The following UBE2O variants were observed in gnomAD, a reference collection of about 807,000 sequenced individuals.
UBE2O encodes the protein ubiquitin conjugating enzyme E2 O.
Under a neutral mutation model 125.8 loss-of-function variants are expected in UBE2O, and 15 were observed. The observed-to-expected ratio is 0.12, with a 90% CI of 0.08 to 0.18. The LOEUF is 0.18. Ranked by LOEUF, UBE2O falls within the 10% of genes least tolerant of loss-of-function variation. UBE2O has a pLI of 1.00. For missense variants in UBE2O, 1,280 were observed against 1,723.6 expected, an observed-to-expected ratio of 0.74 and a Z score of 4.56; for synonymous variants, 708 against 703.2, an observed-to-expected ratio of 1.01 and a Z score of -0.11.
chr17:76,449,570 G>A lies in UBE2O; in HGVS notation c.417+3155C>T, dbSNP rs1240251076. Among the ~76,000 whole-genome samples the A allele has an allele frequency of 4.0e-5, 6 of 151,518 alleles. No homozygotes were observed. In the South Asian group the frequency reaches 8.4e-4, roughly 21 times the overall value. On this transcript the variant is annotated intron_variant, in intron 1 of 17. Coordinates refer to ENST00000319380, the MANE Select transcript of UBE2O (RefSeq NM_022066.4). ...AGCCTGGGTGACAGAGAGAGACTCT[G>A]TTTAAAAAAGAAACTCACACACAAA...
rs142214923 is a variant in UBE2O at position 76,446,444 on chromosome 17, TG to T, written c.417+6280del. Among the ~76,000 whole-genome samples, 967 of 142,010 alleles carry T rather than the reference TG, an allele frequency of 6.8e-3. 7 individuals are homozygous for T. Among genetic ancestry groups the T allele is most frequent in the African/African-American group, 0.025 (923 of 36,892 alleles). The allele number at this position is 142,010 out of a possible 152,430, so 93.2% of individuals were successfully genotyped here. A position where few individuals can be genotyped will look rare whatever the true frequency, so the allele number is the denominator to read the frequency against. Reference sequence around the variant, plus strand: ...AGTTCCTCTTAGTATAACAGGAAAATGAAAAAACAAAAACAAACAAAAAAAA... The same window carrying T: ...AGTTCCTCTTAGTATAACAGGAAAATAAAAAACAAAAACAAACAAAAAAAA... On this transcript the variant is annotated intron_variant, in intron 1 of 17. Coordinates refer to ENST00000319380, the MANE Select transcript of UBE2O (RefSeq NM_022066.4).
At chr17:76,441,415 C>T (rs900803948) in intron 1 of UBE2O, among the ~76,000 whole-genome samples, 3 of 152,320 alleles carry the variant, frequency 2.0e-5, no homozygotes, top group South Asian at 2.1e-4. Flanking sequence ...AAAGCACTGG[C>T]GGATGATGAG....
intron 1 of UBE2O, among the ~76,000 whole-genome samples, chr17:76,447,605 C>T (rs1453166195): frequency 3.3e-5 from 5 of 152,130 alleles, no homozygotes; most frequent in Non-Finnish European, 7.3e-5. Context: ...GGAGGACGGC[C>T]GGGGTTACTT....
At chr17:76,448,385 T>C (rs1264826062) in intron 1 of UBE2O, among the ~76,000 whole-genome samples, 1 of 152,140 alleles carries the variant, frequency 6.6e-6, no homozygotes, top group African/African-American at 2.4e-5. Context: ...CCCAGACAAG[T>C]GAGACAAACT....
At position 76,410,079 on chromosome 17, in the gene UBE2O, G is replaced by A. The variant is rs968828559; in HGVS notation, c.418-4507C>T. Among the ~76,000 whole-genome samples the A allele has an allele frequency of 3.3e-5, 5 of 152,214 alleles. No homozygotes were observed. Among genetic ancestry groups the A allele is most frequent in the Admixed American group, 3.3e-4 (5 of 15,278 alleles). On this transcript the variant is annotated intron_variant, in intron 1 of 17. Coordinates refer to ENST00000319380, the MANE Select transcript of UBE2O (RefSeq NM_022066.4). The surrounding 1 kb of genome is among the most constrained non-coding windows in gnomAD (Gnocchi z 4.0). Reference sequence around the variant, plus strand: ...GTCAAGGTGCTGGGTGGGGTGACTGGCACAGGCCGGCAAGGCTTCAAGAAG... The same window carrying A: ...GTCAAGGTGCTGGGTGGGGTGACTGACACAGGCCGGCAAGGCTTCAAGAAG...
rs535305751 is a variant in UBE2O, at chr17:76,399,940, G to C, written c.1156-19C>G. On this transcript the variant is annotated intron_variant, in intron 8 of 17. Transcript: ENST00000319380. This position sits in a 1 kb window ranked among gnomAD's most constrained non-coding sequence, Gnocchi z 6.9. ...GCTTCACCTGCAAGGGCGGAGCAGA[G>C]AGGACAGGGCTGTGAGGTGCACCTG... 6.3e-7 allele frequency: 1 copy of C among 1,586,000 alleles called. No individual in the cohort carries two copies. The highest frequency in any genetic ancestry group is 8.6e-7 in the Non-Finnish European group (1 of 1,166,344).
intron 1 of UBE2O, among the ~76,000 whole-genome samples, chr17:76,424,729 G>A (rs940384369): frequency 2.8e-4 from 42 of 151,810 alleles, no homozygotes; most frequent in African/African-American, 9.9e-4. Context: ...AATGGCAGCA[G>A]GATCCCTTAA....
At position 76,452,471 on chromosome 17, in the gene UBE2O, A is replaced by G. The variant is rs1463730623; in HGVS notation, c.417+254T>C. Among the ~76,000 whole-genome samples the G allele has an allele frequency of 1.3e-5, 2 of 152,222 alleles. No homozygotes were observed. The highest frequency in any genetic ancestry group is 6.5e-5 in the Admixed American group (1 of 15,302). ...CTCGAGGCCGACACCACAGCATAAC[A>G]TGTCTTAGAAGTCCCCTCAAGTCGG... On this transcript the variant is annotated intron_variant, in intron 1 of 17. Transcript: ENST00000319380. This position sits in a 1 kb window ranked among gnomAD's most constrained non-coding sequence, Gnocchi z 4.4.
At chr17:76,430,694 T>G in intron 1 of UBE2O, 1 of 286,288 alleles carries the variant, frequency 3.5e-6, no homozygotes, top group Non-Finnish European at 7.1e-6. Context: ...ATTTCAGATT[T>G]GGGTTCCCCT....
rs1244033072 is a variant in UBE2O at position 76,403,470 on chromosome 17, C to A, written c.589-771G>T. 8.5e-5 allele frequency among the ~76,000 whole-genome samples: 13 copies of A among 152,100 alleles called. 1 individual carries two copies. Among genetic ancestry groups the A allele is most frequent in the Admixed American group, 8.5e-4 (13 of 15,260 alleles). On this transcript the variant is annotated intron_variant, in intron 3 of 17. Coordinates refer to ENST00000319380, the MANE Select transcript of UBE2O (RefSeq NM_022066.4). ...ATATTTTGGTTGAGATGGGGTTTCG[C>A]CATGTTGCCCAAGCTGGTCTTAAAC...
At chr17:76,434,146 G>A (rs1463286031) in intron 1 of UBE2O, among the ~76,000 whole-genome samples, 1 of 152,076 alleles carries the variant, frequency 6.6e-6, no homozygotes, top group Non-Finnish European at 1.5e-5. Flanking sequence ...AAGCCTCTCT[G>A]GGCCTGACTA....
chr17:76,414,918 C>A (rs1175589064), intron 1 of UBE2O, among the ~76,000 whole-genome samples: 2 of 152,214 alleles, frequency 1.3e-5, no homozygotes, highest in African/African-American at 2.4e-5. Context: ...CTGGCTCCTG[C>A]ATTTGAAGGG....
At position 76,396,102 on chromosome 17, in the gene UBE2O, C is replaced by T. The variant is rs116330430; in HGVS notation, c.2809+26G>A. On this transcript the variant is annotated intron_variant, in intron 14 of 17. Transcript: ENST00000319380. This position sits in a 1 kb window ranked among gnomAD's most constrained non-coding sequence, Gnocchi z 6.7. ...GGAGCCCCGAGAAGGCGGGGGAAGG[C>T]GAAGACCAGGCAAGGGCTGACTCAC... 486 of 1,606,984 alleles carry T rather than the reference C, an allele frequency of 3.0e-4. No individual in the cohort carries two copies. The highest frequency in any genetic ancestry group is 2.4e-3 in the African/African-American group (178 of 74,870).
At chr17:76,431,113 G>A (rs573325602) in intron 1 of UBE2O, 2 of 178,920 alleles carry the variant, frequency 1.1e-5, no homozygotes, top group South Asian at 1.2e-4. Context: ...GCTTCTCTTC[G>A]ACACCCTCCA....
In UBE2O at chr17:76,395,357, AT is replaced by A. The variant is rs78701971; in HGVS notation, c.2946+367del. 8.1e-3 allele frequency: 1,128 copies of A among 139,650 alleles called. No individual in the cohort carries two copies. The highest frequency in any genetic ancestry group is 0.01 in the Middle Eastern group (3 of 286). 8.7% of individuals were successfully genotyped at this position (139,650 alleles called of 1,614,324 possible). On this transcript the variant is annotated intron_variant, in intron 15 of 17. Transcript: ENST00000319380. This position sits in a 1 kb window ranked among gnomAD's most constrained non-coding sequence, Gnocchi z 5.0. The stretch of plus-strand genomic sequence containing the variant: ...CATGGTGGCGGGAGAGTTTTTTGTA[AT>A]TTTTTTTTTTTTTTTAGTGGAGACG...
chr17:76,401,223 C>T, intron 5 of UBE2O, 69 bp from the exon 6 acceptor site: 1 of 1,563,450 alleles, frequency 6.4e-7, no homozygotes, highest in East Asian at 2.3e-5. Flanking sequence ...GCTCTCCACG[C>T]CTGTGCCCGC....
At chr17:76,425,219 T>G (rs2072788204) in intron 1 of UBE2O, among the ~76,000 whole-genome samples, 1 of 120,830 alleles carries the variant, frequency 8.3e-6, no homozygotes, top group African/African-American at 3.8e-5. Flanking sequence ...CTCAAGGTCC[T>G]TTCGACAAAA....
At chr17:76,433,530 T>G (rs1451086281) in intron 1 of UBE2O, among the ~76,000 whole-genome samples, 1 of 151,466 alleles carries the variant, frequency 6.6e-6, no homozygotes, top group East Asian at 1.9e-4. Flanking sequence ...GTACAACCGT[T>G]TGAGTATACT....
At chr17:76,416,997 C>G (rs2072627929) in intron 1 of UBE2O, among the ~76,000 whole-genome samples, 1 of 152,188 alleles carries the variant, frequency 6.6e-6, no homozygotes. Context: ...GGCACAGGGA[C>G]CAGGTCCTGC....
Sources: allele counts gnomAD v4.1 joint callset (sites outside exome capture counted in the v4.1 genomes callset), GRCh38; gene constraint gnomAD v4.1.1; non-coding constraint Gnocchi (gnomAD v3.1); transcripts MANE v1.5; gene names NCBI Gene and HGNC (gene_info 2026-07-23, HGNC 2026-07-21).